Variants in KAZN observed in about 807,000 individuals in gnomAD.
KAZN encodes the protein kazrin, periplakin interacting protein, also known as kazrin.
A neutral mutation model predicts 87.4 loss-of-function variants in KAZN; 40 were observed. The observed-to-expected ratio is 0.46, with a 90% CI of 0.36 to 0.60. The LOEUF (loss-of-function observed/expected upper bound fraction) is 0.60. Ranked by LOEUF, KAZN falls within the 20% of genes least tolerant of loss-of-function variation. The pLI is 0.00. For missense variants in KAZN, 898 were observed against 1,073.9 expected, an observed-to-expected ratio of 0.84 and a Z score of 2.29; for synonymous variants, 466 against 458.3, an observed-to-expected ratio of 1.02 and a Z score of -0.22.
chr1:14,239,045 C>T (rs1308276111), intron 2 of KAZN, among the ~76,000 whole-genome samples: 1 of 152,170 alleles, frequency 6.6e-6, no homozygotes, highest in Non-Finnish European at 1.5e-5. Context: ...CTTGGAATTT[C>T]AAATTAATAG....
intron 2 of KAZN, among the ~76,000 whole-genome samples, chr1:14,539,208 TAGA>T (rs1287205744): frequency 3.3e-5 from 5 of 152,188 alleles, no homozygotes; most frequent in Non-Finnish European, 7.3e-5. Context: ...GAAAGTGATG[TAGA>T]AGAATTACAT....
intron 1 of KAZN, among the ~76,000 whole-genome samples, chr1:14,882,314 C>G (rs143635153): frequency 1.3e-5 from 2 of 152,330 alleles, no homozygotes; most frequent in Admixed American, 1.3e-4. Flanking sequence ...GCTAGATATG[C>G]TTTAGCCAGG....
chr1:14,540,396 G>A (rs1672739156), intron 2 of KAZN, among the ~76,000 whole-genome samples: 1 of 152,260 alleles, frequency 6.6e-6, no homozygotes, highest in Non-Finnish European at 1.5e-5. Flanking sequence ...GAGGCCCCGC[G>A]GGGTTAAGCA....
chr1:14,228,755 A>G (rs1333920719), intron 2 of KAZN, among the ~76,000 whole-genome samples: 2 of 152,264 alleles, frequency 1.3e-5, no homozygotes, highest in East Asian at 3.8e-4. Flanking sequence ...TGGAGCCTAG[A>G]AACATGAGCT....
At chr1:14,799,756 T>G (rs1193136529) in intron 1 of KAZN, among the ~76,000 whole-genome samples, 4 of 152,234 alleles carry the variant, frequency 2.6e-5, no homozygotes, top group African/African-American at 7.2e-5. Flanking sequence ...AAGAACTTTT[T>G]TTTTGGAAAA....
intron 1 of KAZN, among the ~76,000 whole-genome samples, chr1:14,073,882 T>C (rs572678295): frequency 5.9e-5 from 9 of 152,292 alleles, no homozygotes; most frequent in Non-Finnish European, 1.2e-4. Flanking sequence ...GTCTTTATAG[T>C]GGAATGATTT....
chr1:14,808,469 T>C (rs1646297886), intron 1 of KAZN, among the ~76,000 whole-genome samples: 1 of 151,678 alleles, frequency 6.6e-6, no homozygotes, highest in Non-Finnish European at 1.5e-5. Context: ...GCTAATTTTT[T>C]TTTTTTTTAG....
intron 2 of KAZN, among the ~76,000 whole-genome samples, chr1:14,525,756 A>G (rs1671830231): frequency 6.6e-6 from 1 of 152,272 alleles, no homozygotes; most frequent in South Asian, 2.1e-4. Flanking sequence ...TAAAGAATCA[A>G]AATATGGCAT....
chr1:14,950,496 G>A (rs1056590722), intron 1 of KAZN, among the ~76,000 whole-genome samples: 1 of 152,146 alleles, frequency 6.6e-6, no homozygotes, highest in Admixed American at 6.5e-5. Context: ...CTCCCCGAAG[G>A]CTCAGGATGG....
At chr1:14,197,667 G>A (rs1646556280) in intron 2 of KAZN, among the ~76,000 whole-genome samples, 2 of 152,150 alleles carry the variant, frequency 1.3e-5, no homozygotes, top group South Asian at 4.1e-4. Context: ...CAGCCTGTGT[G>A]ACACAGCAAG....
chr1:14,785,863 C>T (rs1034615830), intron 1 of KAZN, among the ~76,000 whole-genome samples: 2 of 152,172 alleles, frequency 1.3e-5, no homozygotes, highest in Non-Finnish European at 2.9e-5. Flanking sequence ...GCACATGGCA[C>T]GTGAGGAGGT....
At chr1:14,320,352 ATATTT>A (rs1287337811) in intron 2 of KAZN, among the ~76,000 whole-genome samples, 3 of 152,150 alleles carry the variant, frequency 2.0e-5, no homozygotes, top group Non-Finnish European at 4.4e-5. Context: ...TTTATAATCT[ATATTT>A]TATTTATTTC....
chr1:14,837,901 C>T (rs930760737), intron 1 of KAZN, among the ~76,000 whole-genome samples: 9 of 152,134 alleles, frequency 5.9e-5, no homozygotes, highest in African/African-American at 2.2e-4. Context: ...ACCATTCTAC[C>T]TCTGATGGAC....
At chr1:15,001,847 T>A (rs1668509211) in intron 2 of KAZN, among the ~76,000 whole-genome samples, 1 of 143,994 alleles carries the variant, frequency 6.9e-6, no homozygotes, top group Admixed American at 6.9e-5. Context: ...GCGATGTCCC[T>A]CTTGGCCCCA....
In KAZN at chr1:14,184,663, C is replaced by T. The variant is rs1218218368; in HGVS notation, c.249+4071C>T. Among the ~76,000 whole-genome samples, 1 of 152,070 alleles carries T rather than the reference C, an allele frequency of 6.6e-6. No homozygotes were observed. Among genetic ancestry groups the T allele is most frequent in the Non-Finnish European group, 1.5e-5 (1 of 68,012 alleles). ...AAACTCTTCTAGATGATTGTGCTTTCCAATTGGTTTCTGGCAAAACTGGGC... is the reference window on the plus strand; with the variant it reads ...AAACTCTTCTAGATGATTGTGCTTTTCAATTGGTTTCTGGCAAAACTGGGC... On this transcript the variant is annotated intron_variant, in intron 2 of 16. Coordinates refer to the KAZN transcript ENST00000636203. The surrounding 1 kb of genome is among the most constrained non-coding windows in gnomAD (Gnocchi z 4.2).
intron 2 of KAZN, among the ~76,000 whole-genome samples, chr1:14,192,722 C>T (rs1296500744): frequency 2.0e-5 from 3 of 152,096 alleles, no homozygotes; most frequent in African/African-American, 7.2e-5. Flanking sequence ...CACAGTTATG[C>T]AGAACACAGT....
chr1:14,186,233 T>G (rs1646303873), intron 2 of KAZN, among the ~76,000 whole-genome samples: 1 of 152,192 alleles, frequency 6.6e-6, no homozygotes, highest in South Asian at 2.1e-4. Context: ...GATAATAAAA[T>G]GGAATTTATG....
At chr1:14,208,024 G>C (rs1646779637) in intron 2 of KAZN, among the ~76,000 whole-genome samples, 1 of 152,184 alleles carries the variant, frequency 6.6e-6, no homozygotes, top group African/African-American at 2.4e-5. Flanking sequence ...CCTCTCATTT[G>C]TTGAAAATAT....
chr1:14,728,287 TATAA>T (rs1185491500), intron 1 of KAZN, among the ~76,000 whole-genome samples: 11,591 of 68,780 alleles, frequency 0.17, 317 homozygotes, highest in African/African-American at 0.27. Context: ...ACACCGTATA[TATAA>T]AAAAAAAAAA....
Sources: gnomAD v4.1 joint callset for allele counts (sites outside exome capture counted in the v4.1 genomes callset) on GRCh38, gnomAD v4.1.1 for gene constraint, Gnocchi (gnomAD v3.1) non-coding constraint, MANE v1.5 for transcripts, NCBI Gene and HGNC (gene_info 2026-07-23, HGNC 2026-07-21) for gene names.